The following EML6 variants were observed in gnomAD, a reference collection of about 807,000 sequenced individuals.
EML6 encodes echinoderm microtubule-associated protein-like 6.
EML6 carries 154 observed loss-of-function variants against 240.1 expected under a neutral mutation model. The observed-to-expected ratio is 0.64, with a 90% CI of 0.56 to 0.73. The LOEUF (loss-of-function observed/expected upper bound fraction) is 0.73. Among genes scored for constraint, EML6 ranks in the 30% least tolerant of loss-of-function variants. The probability of loss-of-function intolerance (pLI) is 0.00; values close to 1 mark genes in which losing one functional copy is unlikely to be tolerated. For missense variants in EML6, 2,964 were observed against 2,474.6 expected, an observed-to-expected ratio of 1.20 and a Z score of -4.20; for synonymous variants, 1,148 against 899.0, an observed-to-expected ratio of 1.28 and a Z score of -4.95.
chr2:54,740,616 A>G (rs1233495535), intron 2 of EML6, among the ~76,000 whole-genome samples: 3 of 151,884 alleles, frequency 2.0e-5, no homozygotes, highest in Admixed American at 6.6e-5. Context: ...CATCTGCTTT[A>G]TATATTTTCC....
chr2:54,896,165 TCACATTA>T (rs1672753905), intron 21 of EML6, among the ~76,000 whole-genome samples: 1 of 152,184 alleles, frequency 6.6e-6, no homozygotes, highest in South Asian at 2.1e-4. Context: ...AAGAGCCTTA[TCACATTA>T]CAGGATCTGC....
chr2:54,764,197 G>A (rs1221746426), intron 2 of EML6, among the ~76,000 whole-genome samples: 2 of 152,194 alleles, frequency 1.3e-5, no homozygotes, highest in African/African-American at 4.8e-5. Flanking sequence ...CATTTATGCT[G>A]TGTGCCTGTC....
At chr2:54,966,275 G>A (rs544607680) in intron 38 of EML6, among the ~76,000 whole-genome samples, 19 of 152,336 alleles carry the variant, frequency 1.2e-4, no homozygotes, top group Admixed American at 6.5e-4. Context: ...AGGTCTGCAG[G>A]GTGTGTAGGT....
intron 26 of EML6, among the ~76,000 whole-genome samples, chr2:54,923,374 C>CACACAT (rs1167884321): frequency 7.2e-6 from 1 of 138,420 alleles, no homozygotes; most frequent in African/African-American, 3.2e-5. Context: ...AACGCACACA[C>CACACAT]ACACACACAC....
At chr2:54,834,237 C>G (rs370320573) in intron 7 of EML6, among the ~76,000 whole-genome samples, 1 of 152,168 alleles carries the variant, frequency 6.6e-6, no homozygotes, top group African/African-American at 2.4e-5. Context: ...AAACTGAAGT[C>G]ACTCACTCAT....
chr2:54,908,328 G>A (rs1014503657), intron 24 of EML6, among the ~76,000 whole-genome samples: 6 of 150,992 alleles, frequency 4.0e-5, no homozygotes, highest in African/African-American at 1.5e-4. Flanking sequence ...TCTCACATCA[G>A]CTTCCCAAGC....
At chr2:54,895,623 C>G (rs116304415) in intron 21 of EML6, among the ~76,000 whole-genome samples, 1 of 152,216 alleles carries the variant, frequency 6.6e-6, no homozygotes, top group Non-Finnish European at 1.5e-5. Flanking sequence ...GGAATCTGAG[C>G]ACAGCTTAAC....
intron 2 of EML6, among the ~76,000 whole-genome samples, chr2:54,751,027 C>T (rs569657338): frequency 6.6e-6 from 1 of 152,226 alleles, no homozygotes; most frequent in East Asian, 1.9e-4. Context: ...ACAAGAAAGC[C>T]TGGAAAATAA....
chr2:54,830,211 C>T (rs1668798892), intron 7 of EML6, among the ~76,000 whole-genome samples: 1 of 152,158 alleles, frequency 6.6e-6, no homozygotes, highest in Admixed American at 6.5e-5. Flanking sequence ...AAAGAATTTA[C>T]AGCCGAGAAA....
rs373679861 is a variant in EML6 at position 54,948,991 on chromosome 2, T to C, written c.4083+31T>C. 25 of 1,476,316 alleles carry C rather than the reference T, an allele frequency of 1.7e-5. 1 individual carries two copies. The South Asian group carries it at 1.8e-4, about 11-fold the overall frequency. 91.5% of individuals were successfully genotyped at this position (1,476,316 alleles called of 1,614,324 possible). On this transcript the variant is annotated intron_variant, in intron 29 of 41. Coordinates refer to ENST00000356458, the MANE Select transcript of EML6 (RefSeq NM_001039753.4). ...TTAAACAATCACTTGTAGTCTGATATTGACGTTCTAAGACATACCTGGTAG... is the reference window on the plus strand; with the variant it reads ...TTAAACAATCACTTGTAGTCTGATACTGACGTTCTAAGACATACCTGGTAG...
chr2:54,813,384 A>T lies in EML6; in HGVS notation c.350A>T (p.Asp117Val). The T allele has an allele frequency of 6.4e-7, 1 of 1,551,126 alleles. No individual in the cohort carries two copies. The highest frequency in any genetic ancestry group is 8.7e-7 in the Non-Finnish European group (1 of 1,146,478). ...HGVACLAFDS[D>V]GQRLASVGLD... ...GTTGCCTGCCTGGCTTTTGACTCAG[A>T]TGGACAGGTGTGTATCTTTTTTTAG... Residue 117 changes from aspartate (D) to valine (V), a missense_variant, in exon 3 of 42, where the codon GAT (aspartate) becomes GTT (valine). Asp to Val is a radical substitution (Grantham distance 152). Coordinates refer to ENST00000356458, the MANE Select transcript of EML6 (RefSeq NM_001039753.4).
intron 24 of EML6, among the ~76,000 whole-genome samples, 198 bp from the exon 25 acceptor site, chr2:54,910,756 T>G (rs748642713): frequency 6.6e-6 from 1 of 152,224 alleles, no homozygotes; most frequent in Non-Finnish European, 1.5e-5. Context: ...AAGTCCATAT[T>G]CTAAAAATCA....
intron 2 of EML6, among the ~76,000 whole-genome samples, chr2:54,729,366 G>A (rs73934809): frequency 0.042 from 6,382 of 152,258 alleles, 462 homozygotes; most frequent in African/African-American, 0.14. Context: ...TAGGGCTATC[G>A]TTTCATTCTG....
intron 2 of EML6, among the ~76,000 whole-genome samples, chr2:54,793,183 C>G (rs1186699925): frequency 1.3e-5 from 2 of 152,088 alleles, no homozygotes; most frequent in East Asian, 3.9e-4. Context: ...AGGAGAATTG[C>G]TTGAACTCAG....
intron 2 of EML6, among the ~76,000 whole-genome samples, chr2:54,754,912 G>T (rs376098671): frequency 6.6e-6 from 1 of 152,160 alleles, no homozygotes. Context: ...GTTAGTGAAA[G>T]CTAAATTTTA....
intron 2 of EML6, among the ~76,000 whole-genome samples, chr2:54,777,699 C>T (rs1668662875): frequency 6.6e-6 from 1 of 152,126 alleles, no homozygotes; most frequent in African/African-American, 2.4e-5. Flanking sequence ...CCAATCTGCC[C>T]TCAGCTTAGT....
intron 9 of EML6, 46 bp from the exon 10 acceptor site, chr2:54,849,916 C>G: frequency 1.3e-6 from 2 of 1,491,322 alleles, no homozygotes; most frequent in Non-Finnish European, 1.8e-6. Flanking sequence ...CTTGGATTTT[C>G]TATTTGTAGA....
chr2:54,965,118 C>G (rs1676690613), intron 38 of EML6, among the ~76,000 whole-genome samples: 1 of 152,206 alleles, frequency 6.6e-6, no homozygotes, highest in Non-Finnish European at 1.5e-5. Flanking sequence ...AATGGCCCCT[C>G]CATACGTGGG....
At chr2:54,734,155 A>G (rs1485882895) in intron 2 of EML6, among the ~76,000 whole-genome samples, 10 of 152,170 alleles carry the variant, frequency 6.6e-5, no homozygotes, top group African/African-American at 2.4e-4. Flanking sequence ...CCTGGCCAAC[A>G]TGGTGAAACC....
Sources: gnomAD v4.1 joint callset for allele counts (sites outside exome capture counted in the v4.1 genomes callset) on GRCh38, gnomAD v4.1.1 for gene constraint, MANE v1.5 for transcripts, NCBI Gene and HGNC (gene_info 2026-07-23, HGNC 2026-07-21) for gene names.